Variants in NINL observed in about 807,000 individuals in gnomAD.
The protein encoded by NINL is ninein like.
In NINL, 153 loss-of-function variants were observed where a neutral mutation model predicts 160.3. The observed-to-expected ratio is 0.95, with a 90% CI of 0.84 to 1.09. The LOEUF (loss-of-function observed/expected upper bound fraction) is 1.09. Ranked by LOEUF, NINL falls within the 50% of genes least tolerant of loss-of-function variation. The probability of loss-of-function intolerance (pLI) is 0.00; values close to 1 mark genes in which losing one functional copy is unlikely to be tolerated. For missense variants in NINL, 1,829 were observed against 1,764.0 expected (o/e 1.04, Z -0.66); for synonymous variants, 800 against 734.8 (o/e 1.09, Z -1.43).
chr20:25,530,067 T>A (rs905853885), intron 1 of NINL, among the ~76,000 whole-genome samples: 6 of 152,186 alleles, frequency 3.9e-5, no homozygotes, highest in Non-Finnish European at 8.8e-5. Flanking sequence ...CTCTACTTTT[T>A]TTCTCTTTTA....
intron 22 of NINL, among the ~76,000 whole-genome samples, chr20:25,456,556 A>C (rs1253435789): frequency 2.0e-5 from 3 of 151,636 alleles, no homozygotes; most frequent in Admixed American, 1.3e-4. Context: ...TCAAAAAAAA[A>C]ACACAAAAAA....
At chr20:25,484,697 A>G (rs1027601346) in intron 13 of NINL, among the ~76,000 whole-genome samples, 19 of 152,228 alleles carry the variant, frequency 1.2e-4, no homozygotes, top group African/African-American at 4.3e-4. Context: ...TAGAATGCCA[A>G]TGGCATGGAC....
chr20:25,574,665 C>T (rs2065094563), intron 1 of NINL, among the ~76,000 whole-genome samples: 1 of 152,086 alleles, frequency 6.6e-6, no homozygotes, highest in South Asian at 2.1e-4. Flanking sequence ...GGTTTCTGTT[C>T]CTTGAGGGAG....
intron 14 of NINL, among the ~76,000 whole-genome samples, chr20:25,480,531 C>T (rs1411377469): frequency 4.6e-5 from 7 of 152,124 alleles, no homozygotes; most frequent in African/African-American, 1.7e-4. Flanking sequence ...TGCTATGGTA[C>T]ATTTACTGCA....
At chr20:25,555,269 C>T (rs1457068601) in intron 1 of NINL, among the ~76,000 whole-genome samples, 1 of 152,136 alleles carries the variant, frequency 6.6e-6, no homozygotes, top group East Asian at 1.9e-4. Context: ...TCTTCCGTAA[C>T]GTACAGACAG....
chr20:25,498,005 G>A (rs963363260), intron 9 of NINL, among the ~76,000 whole-genome samples: 1 of 152,246 alleles, frequency 6.6e-6, no homozygotes, highest in Non-Finnish European at 1.5e-5. Flanking sequence ...TCCATGCTCC[G>A]TGGCTAGATT....
chr20:25,524,929 G>GTA (rs1332582893), intron 2 of NINL, among the ~76,000 whole-genome samples: 2,690 of 147,134 alleles, frequency 0.018, 53 homozygotes, highest in African/African-American at 0.051. Flanking sequence ...ATATATGTGT[G>GTA]TGTATATATA....
intron 8 of NINL, chr20:25,498,846 G>T (rs1189204770): frequency 2.1e-6 from 2 of 960,180 alleles, no homozygotes; most frequent in Admixed American, 6.2e-5. Context: ...TTCCAGAGCG[G>T]GGTGTTCCTC....
rs540194679 is a variant in NINL at position 25,582,232 on chromosome 20, C to T, written c.-12+3223G>A. Among the ~76,000 whole-genome samples the T allele has an allele frequency of 9.9e-5, 15 of 152,126 alleles. 1 individual carries two copies. The South Asian group carries it at 2.7e-3, about 27-fold the overall frequency. ...ATCGCGCCACTGCACTCCAGCCTGG[C>T]GACAGAGCGAGACTCCATATCAAAA... is the stretch of plus-strand genomic sequence containing the variant. On this transcript the variant is annotated intron_variant, in intron 1 of 23. Coordinates refer to ENST00000278886, the MANE Select transcript of NINL (RefSeq NM_025176.6).
intron 4 of NINL, 65 bp downstream of exon 4, chr20:25,512,769 G>T: frequency 6.6e-7 from 1 of 1,516,994 alleles, no homozygotes; most frequent in South Asian, 1.3e-5. Flanking sequence ...TACAAAAAGG[G>T]ATGAAGGGAA....
intron 1 of NINL, among the ~76,000 whole-genome samples, chr20:25,565,597 A>C (rs549474844): frequency 6.6e-6 from 1 of 152,292 alleles, no homozygotes; most frequent in East Asian, 1.9e-4. Context: ...ATTACAATGG[A>C]GGGGCAAGAT....
At chr20:25,561,446 G>A (rs1352403202) in intron 1 of NINL, among the ~76,000 whole-genome samples, 1 of 152,170 alleles carries the variant, frequency 6.6e-6, no homozygotes, top group Non-Finnish European at 1.5e-5. Context: ...GCCTCTGCCC[G>A]GCCGCTACCC....
chr20:25,582,464 C>T (rs1014348221), intron 1 of NINL, among the ~76,000 whole-genome samples: 17 of 152,034 alleles, frequency 1.1e-4, no homozygotes, highest in Admixed American at 5.9e-4. Flanking sequence ...GCAAGACTCC[C>T]GGCTCTACAT....
chr20:25,475,267 A>C (rs773430630), intron 17 of NINL, among the ~76,000 whole-genome samples: 5 of 151,952 alleles, frequency 3.3e-5, no homozygotes, highest in Non-Finnish European at 7.4e-5. Flanking sequence ...CAAAAAACAA[A>C]AAACAAAAAA....
At chr20:25,510,991 T>C (rs1338751834) in intron 4 of NINL, among the ~76,000 whole-genome samples, 1 of 152,118 alleles carries the variant, frequency 6.6e-6, no homozygotes, top group Non-Finnish European at 1.5e-5. Context: ...TTCTGCACGC[T>C]CGGGGCTCCT....
intron 1 of NINL, among the ~76,000 whole-genome samples, chr20:25,552,588 C>G (rs112890971): frequency 6.6e-6 from 1 of 152,206 alleles, no homozygotes; most frequent in Non-Finnish European, 1.5e-5. Context: ...CATGCTTGCT[C>G]GCCCTTCTGT....
chr20:25,459,471 G>C lies in NINL; in HGVS notation c.3697-942C>G, dbSNP rs577050244. ...GGCCCTGGAAGGCAGCTTATGGTTT[G>C]AGACAGAAAAGGAGGGAAGAACCAG... On this transcript the variant is annotated intron_variant, in intron 21 of 23. Transcript: ENST00000278886. Among the ~76,000 whole-genome samples the C allele has an allele frequency of 9.5e-4, 145 of 152,320 alleles. 1 individual carries two copies. Among genetic ancestry groups the C allele is most frequent in the African/African-American group, 3.3e-3 (137 of 41,584 alleles).
intron 14 of NINL, 149 bp from the exon 15 acceptor site, chr20:25,480,416 C>T: frequency 3.1e-6 from 2 of 648,356 alleles, no homozygotes; most frequent in Admixed American, 4.6e-5. Context: ...AAAGTCAGCA[C>T]TCGTCAGTAC....
chr20:25,474,354 C>T (rs2063179542), intron 17 of NINL, among the ~76,000 whole-genome samples: 2 of 152,208 alleles, frequency 1.3e-5, no homozygotes, highest in Non-Finnish European at 2.9e-5. Flanking sequence ...TAAAACATCG[C>T]ACTTTTGTGC....
Sources: gnomAD v4.1 joint callset for allele counts (sites outside exome capture counted in the v4.1 genomes callset) on GRCh38, gnomAD v4.1.1 for gene constraint, MANE v1.5 for transcripts, NCBI Gene and HGNC (gene_info 2026-07-23, HGNC 2026-07-21) for gene names.